Variants in DNAH10 observed in about 807,000 individuals in gnomAD.
DNAH10 encodes the protein axonemal beta dynein heavy chain 10.
In DNAH10, 348 loss-of-function variants were observed where a neutral mutation model predicts 506.6. The ratio of observed to expected loss-of-function variants is 0.69; its 90% confidence interval spans 0.63 to 0.75. The LOEUF is 0.75. DNAH10 is among the 30% of genes least tolerant of loss of function. DNAH10 has a pLI of 0.00. For missense variants in DNAH10, 5,179 were observed against 5,787.1 expected (o/e 0.89, Z 3.41); for synonymous variants, 2,059 against 2,198.6 (o/e 0.94, Z 1.78).
rs921850815 is a variant in DNAH10 at position 123,931,372 on chromosome 12, G to A, written c.12816G>A (p.Thr4272=). Residue 4272 remains threonine (T), a synonymous_variant, in exon 74 of 79, where the codon ACG becomes ACA. Transcript: ENST00000673944. Reference sequence around the variant, plus strand: ...TCGAGGCCCTCCCGCTTGCCAACACGCCAGAAGTGTTTGGTCTCCACCCCA... The same window carrying A: ...TCGAGGCCCTCCCGCTTGCCAACACACCAGAAGTGTTTGGTCTCCACCCCA... ...EAIEALPLAN[T]PEVFGLHPNA... The A allele has an allele frequency of 1.7e-5, 28 of 1,613,888 alleles. No individual in the cohort carries two copies. The highest frequency in any genetic ancestry group is 6.7e-5 in the East Asian group (3 of 44,886).
At position 123,846,296 on chromosome 12, in the gene DNAH10, A is replaced by T. The variant is rs192469165; in HGVS notation, c.5814+142A>T. 3.0e-5 allele frequency: 35 copies of T among 1,160,522 alleles called. No individual in the cohort carries two copies. In the African/African-American group the frequency reaches 5.3e-4, roughly 18 times the overall value. 71.9% of individuals were successfully genotyped at this position (1,160,522 alleles called of 1,614,324 possible). A position where few individuals can be genotyped will look rare whatever the true frequency, so the allele number is the denominator to read the frequency against. On this transcript the variant is annotated intron_variant, in intron 32 of 78. Coordinates refer to ENST00000673944, the MANE Select transcript of DNAH10 (RefSeq NM_001372106.1). This position sits in a 1 kb window ranked among gnomAD's most constrained non-coding sequence, Gnocchi z 4.5. ...ATCTCGAAAAGCTTTTCCATTTGGG[A>T]TGTGACCAGATTGTCACCATTTGGG...
intron 46 of DNAH10, 82 bp downstream of exon 46, chr12:123,873,792 A>G (rs1952130864): frequency 6.8e-7 from 1 of 1,468,042 alleles, no homozygotes; most frequent in Non-Finnish European, 9.0e-7. Flanking sequence ...GTTAGAAGTG[A>G]GTATGAGAAC....
At chr12:123,832,434 A>G (rs1349920070) in intron 26 of DNAH10, among the ~76,000 whole-genome samples, 3 of 152,200 alleles carry the variant, frequency 2.0e-5, no homozygotes, top group East Asian at 3.8e-4. Context: ...AGTGTACACA[A>G]TATACCAAAG....
Position 123,924,292 on chromosome 12 carries a change from G to A in DNAH10, c.11626G>A (p.Glu3876Lys). 6.2e-7 allele frequency: 1 copy of A among 1,609,640 alleles called. No individual in the cohort carries two copies. The highest frequency in any genetic ancestry group is 8.5e-7 in the Non-Finnish European group (1 of 1,176,948). ...DFFLKGNISL[E>K]KSKRKKPCAW... Reference sequence around the variant, plus strand: ...GTTGTGATTAGGAAACATTTCCCTGGAGAAAAGCAAAAGAAAAAAGCCCTG... The same window carrying A: ...GTTGTGATTAGGAAACATTTCCCTGAAGAAAAGCAAAAGAAAAAAGCCCTG... The change falls in exon 67 of 79, where the codon GAG (glutamate) becomes AAG (lysine). Residue 3876 changes from glutamate (E) to lysine (K), a missense_variant. Coordinates refer to ENST00000673944, the MANE Select transcript of DNAH10 (RefSeq NM_001372106.1).
Position 123,805,863 on chromosome 12 carries a change from G to A in DNAH10, c.2987+823G>A, listed in dbSNP as rs540556254. Among the ~76,000 whole-genome samples, 480 of 148,408 alleles carry A rather than the reference G, an allele frequency of 3.2e-3. 2 individuals are homozygous for A. The highest frequency in any genetic ancestry group is 0.011 in the African/African-American group (458 of 40,176). ...ATGATCTCGGCTCACTGCAAGCTCC[G>A]CCTCCCGGGTTCATGCCATTCTCCT... On this transcript the variant is annotated intron_variant, in intron 18 of 78. Coordinates refer to ENST00000673944, the MANE Select transcript of DNAH10 (RefSeq NM_001372106.1).
At position 123,926,977 on chromosome 12, in the gene DNAH10, C is replaced by G; in HGVS notation, c.12105+157C>G. The G allele has an allele frequency of 2.6e-6, 2 of 759,122 alleles. No homozygotes were observed. The highest frequency in any genetic ancestry group is 4.2e-6 in the Non-Finnish European group (2 of 478,382). The allele number at this position is 759,122 out of a possible 1,614,324, so 47.0% of individuals were successfully genotyped here. On this transcript the variant is annotated intron_variant, in intron 69 of 78. Transcript: ENST00000673944. This position sits in a 1 kb window ranked among gnomAD's most constrained non-coding sequence, Gnocchi z 4.1. ...CAGTAATGAAACACTGGGAAGATGACAATAATAGTTATGATTTCACAACCT... is the reference window on the plus strand; with the variant it reads ...CAGTAATGAAACACTGGGAAGATGAGAATAATAGTTATGATTTCACAACCT...
intron 17 of DNAH10, among the ~76,000 whole-genome samples, chr12:123,804,352 T>C (rs989142053): frequency 6.6e-6 from 1 of 152,028 alleles, no homozygotes; most frequent in African/African-American, 2.4e-5. Context: ...GGTGAAACCC[T>C]GTCTCTACTA....
At chr12:123,836,098 G>A (rs1961101331) in intron 28 of DNAH10, among the ~76,000 whole-genome samples, 1 of 152,136 alleles carries the variant, frequency 6.6e-6, no homozygotes, top group Non-Finnish European at 1.5e-5. Flanking sequence ...GTGGAAAAAT[G>A]TATCTCTCAT....
intron 43 of DNAH10, among the ~76,000 whole-genome samples, chr12:123,868,945 C>G (rs1194567793): frequency 6.6e-6 from 1 of 152,208 alleles, no homozygotes; most frequent in Non-Finnish European, 1.5e-5. Flanking sequence ...GCTGGCTGTG[C>G]GTTGCTGCCA....
chr12:123,914,714 C>T, intron 61 of DNAH10, 138 bp from the exon 62 acceptor site: 1 of 1,404,338 alleles, frequency 7.1e-7, no homozygotes, highest in Non-Finnish European at 9.5e-7. Flanking sequence ...CAGCACGGAG[C>T]CCTTCTCCCT....
At chr12:123,767,488 C>A in intron 1 of DNAH10, 118 bp from the exon 2 acceptor site, 1 of 886,790 alleles carries the variant, frequency 1.1e-6, no homozygotes, top group Non-Finnish European at 1.7e-6. Flanking sequence ...TGTAACATAA[C>A]GAGTCTCCTG....
intron 65 of DNAH10, among the ~76,000 whole-genome samples, chr12:123,921,859 A>G (rs1435372752): frequency 6.6e-6 from 1 of 151,280 alleles, no homozygotes; most frequent in African/African-American, 2.4e-5. Context: ...GATTACAGGC[A>G]CCTACCACCA....
chr12:123,776,664 A>C (rs1002286403), intron 5 of DNAH10, among the ~76,000 whole-genome samples: 1 of 152,078 alleles, frequency 6.6e-6, no homozygotes, highest in Non-Finnish European at 1.5e-5. Context: ...AAATAAATTA[A>C]GATAACATCA....
chr12:123,916,772 T>C lies in DNAH10; in HGVS notation c.11002+36T>C. The C allele has an allele frequency of 6.3e-7, 1 of 1,574,832 alleles. No individual in the cohort carries two copies. The highest frequency in any genetic ancestry group is 8.6e-7 in the Non-Finnish European group (1 of 1,161,604). ...GTAGAACCTCCACTGCTAATTCAGA[T>C]GGTTATGAGGGAGACCGCAACCTCA... On this transcript the variant is annotated intron_variant, in intron 63 of 78. Transcript: ENST00000673944. This position sits in a 1 kb window ranked among gnomAD's most constrained non-coding sequence, Gnocchi z 4.6.
chr12:123,896,719 GAA>G (rs60387471), intron 54 of DNAH10, among the ~76,000 whole-genome samples: 2,635 of 92,068 alleles, frequency 0.029, 78 homozygotes, highest in African/African-American at 0.082. Flanking sequence ...CCTGTCTCAA[GAA>G]AAAAAAAAAA....
chr12:123,799,191 G>GCCGTTTC, intron 13 of DNAH10, 55 bp from the exon 14 acceptor site: 1 of 1,502,210 alleles, frequency 6.7e-7, no homozygotes, highest in Non-Finnish European at 9.1e-7. Context: ...TGTAGAGCGA[G>GCCGTTTC]ATGAAAAATG....
chr12:123,799,956 A>G (rs1958421527), intron 14 of DNAH10, among the ~76,000 whole-genome samples: 1 of 152,216 alleles, frequency 6.6e-6, no homozygotes, highest in African/African-American at 2.4e-5. Context: ...GCTCCATGTC[A>G]GATTTTCCAG....
At chr12:123,894,997 G>A (rs961365467) in intron 54 of DNAH10, among the ~76,000 whole-genome samples, 1 of 152,154 alleles carries the variant, frequency 6.6e-6, no homozygotes, top group Non-Finnish European at 1.5e-5. Flanking sequence ...TGTCTAGTTG[G>A]CCCCTTACTT....
At chr12:123,830,805 C>A in intron 26 of DNAH10, 106 bp downstream of exon 26, 2 of 1,154,978 alleles carry the variant, frequency 1.7e-6, no homozygotes, top group Non-Finnish European at 2.3e-6. Context: ...ATTAGCTGAG[C>A]GTGGTGGTAT....
Sources: allele counts gnomAD v4.1 joint callset (sites outside exome capture counted in the v4.1 genomes callset), GRCh38; gene constraint gnomAD v4.1.1; non-coding constraint Gnocchi (gnomAD v3.1); transcripts MANE v1.5; gene names NCBI Gene and HGNC (gene_info 2026-07-23, HGNC 2026-07-21).